The following XYLT1 variants were observed in gnomAD, a reference collection of about 807,000 sequenced individuals.
XYLT1 encodes xylosyltransferase 1, also known as beta-D-xylosyltransferase 1.
A neutral mutation model predicts 91.3 loss-of-function variants in XYLT1; 36 were observed. That is an observed-to-expected ratio of 0.39 (90% CI 0.30 to 0.52). The LOEUF (loss-of-function observed/expected upper bound fraction) is 0.52. Ranked by LOEUF, XYLT1 falls within the 20% of genes least tolerant of loss-of-function variation. The pLI is 0.68. For missense variants in XYLT1, 1,242 were observed against 1,284.5 expected (o/e 0.97, Z 0.51); for synonymous variants, 588 against 532.0 (o/e 1.11, Z -1.45).
At chr16:17,397,775 G>A (rs913151044) in intron 1 of XYLT1, among the ~76,000 whole-genome samples, 12 of 151,772 alleles carry the variant, frequency 7.9e-5, no homozygotes, top group African/African-American at 2.2e-4. Flanking sequence ...TACAAACAGC[G>A]GAATGAGTCA....
rs117013700 is a variant in XYLT1, at chr16:17,123,654, T to C, written c.2223+4012A>G. Among the ~76,000 whole-genome samples, 974 of 152,296 alleles carry C rather than the reference T, an allele frequency of 6.4e-3. 36 individuals are homozygous for C. In the East Asian group the frequency reaches 0.075, roughly 12 times the overall value. ...GAACAGCATGTATATTCTGCAGTCG[T>C]TGGGTAAAATGTTCTGTAAGTACCT... On this transcript the variant is annotated intron_variant, in intron 10 of 11. Coordinates refer to ENST00000261381, the MANE Select transcript of XYLT1 (RefSeq NM_022166.4).
At chr16:17,386,424 G>A (rs1194545110) in intron 1 of XYLT1, among the ~76,000 whole-genome samples, 1 of 152,144 alleles carries the variant, frequency 6.6e-6, no homozygotes, top group Non-Finnish European at 1.5e-5. Context: ...CTTTTACAAA[G>A]GGATTAACAG....
intron 6 of XYLT1, among the ~76,000 whole-genome samples, chr16:17,150,641 C>T (rs1039105929): frequency 1.4e-4 from 21 of 152,132 alleles, no homozygotes; most frequent in African/African-American, 5.1e-4. Flanking sequence ...AAGACCCACA[C>T]AGCTGGTGAG....
chr16:17,378,563 A>T (rs2035631770), intron 1 of XYLT1, among the ~76,000 whole-genome samples: 1 of 152,232 alleles, frequency 6.6e-6, no homozygotes, highest in South Asian at 2.1e-4. Context: ...ATTTCTAGGA[A>T]TATGTTGCTA....
intron 5 of XYLT1, 69 bp downstream of exon 5, chr16:17,198,143 A>C (rs2032466963): frequency 6.5e-7 from 1 of 1,547,834 alleles, no homozygotes; most frequent in Middle Eastern, 2.0e-4. Flanking sequence ...CTGCCTCGTG[A>C]GTTCCCAGCC....
At chr16:17,183,172 C>T (rs2032108388) in intron 5 of XYLT1, among the ~76,000 whole-genome samples, 1 of 152,180 alleles carries the variant, frequency 6.6e-6, no homozygotes, top group Admixed American at 6.5e-5. Flanking sequence ...CACTTGAACA[C>T]TCTGAGTCCT....
chr16:17,278,204 G>C (rs960154428), intron 2 of XYLT1, among the ~76,000 whole-genome samples: 2 of 152,104 alleles, frequency 1.3e-5, no homozygotes, highest in African/African-American at 2.4e-5. Flanking sequence ...TTCAGACACC[G>C]AACTCCCTTT....
intron 3 of XYLT1, among the ~76,000 whole-genome samples, chr16:17,241,122 G>A (rs2033338777): frequency 6.6e-6 from 1 of 152,226 alleles, no homozygotes; most frequent in Non-Finnish European, 1.5e-5. Flanking sequence ...CCGCTGATCT[G>A]CTGCAGTCTT....
At chr16:17,352,855 T>C (rs767562064) in intron 2 of XYLT1, among the ~76,000 whole-genome samples, 3 of 152,256 alleles carry the variant, frequency 2.0e-5, no homozygotes, top group Non-Finnish European at 4.4e-5. Flanking sequence ...CTTCTGTTTT[T>C]CTCTGCTGTA....
At chr16:17,215,056 T>A (rs1474288771) in intron 3 of XYLT1, among the ~76,000 whole-genome samples, 1 of 152,066 alleles carries the variant, frequency 6.6e-6, no homozygotes, top group Non-Finnish European at 1.5e-5. Context: ...AGGAGGTGAT[T>A]AAAGTTAAAT....
At chr16:17,214,955 C>T (rs1372985155) in intron 3 of XYLT1, among the ~76,000 whole-genome samples, 2 of 152,156 alleles carry the variant, frequency 1.3e-5, no homozygotes, top group African/African-American at 4.8e-5. Context: ...TTTCCAAAGA[C>T]AGGATTTGCT....
chr16:17,430,550 C>A (rs565829562), intron 1 of XYLT1, among the ~76,000 whole-genome samples: 1 of 152,180 alleles, frequency 6.6e-6, no homozygotes, highest in Non-Finnish European at 1.5e-5. Flanking sequence ...CAAGTGCAGG[C>A]CCATTCCTGG....
intron 1 of XYLT1, among the ~76,000 whole-genome samples, chr16:17,372,484 T>G (rs1279865561): frequency 6.6e-6 from 1 of 152,280 alleles, no homozygotes; most frequent in South Asian, 2.1e-4. Context: ...CAGAATACAT[T>G]AGATAGCTTC....
At chr16:17,114,069 A>G (rs141920642) in intron 11 of XYLT1, among the ~76,000 whole-genome samples, 1 of 151,478 alleles carries the variant, frequency 6.6e-6, no homozygotes, top group Non-Finnish European at 1.5e-5. Context: ...TGCCATGGGG[A>G]CAGATTCATC....
At chr16:17,438,856 A>G (rs552050259) in intron 1 of XYLT1, among the ~76,000 whole-genome samples, 5 of 152,246 alleles carry the variant, frequency 3.3e-5, no homozygotes, top group African/African-American at 1.2e-4. Flanking sequence ...ACCTCCCACC[A>G]GGCCCCTCCC....
At chr16:17,244,075 C>T (rs1443363003) in intron 3 of XYLT1, among the ~76,000 whole-genome samples, 2 of 152,148 alleles carry the variant, frequency 1.3e-5, no homozygotes, top group African/African-American at 2.4e-5. Flanking sequence ...TAGGCATGTC[C>T]AGACGTCCCG....
chr16:17,300,257 T>C (rs12149280), intron 2 of XYLT1, among the ~76,000 whole-genome samples: 20,073 of 152,208 alleles, frequency 0.13, 1,658 homozygotes, highest in Non-Finnish European at 0.19. Context: ...AGACTTCATT[T>C]CTAGGCATGT....
At chr16:17,169,204 T>C (rs1433356699) in intron 5 of XYLT1, among the ~76,000 whole-genome samples, 3 of 152,252 alleles carry the variant, frequency 2.0e-5, no homozygotes, top group Non-Finnish European at 2.9e-5. Context: ...AGCAGATGAA[T>C]TGAAGCACGA....
intron 5 of XYLT1, among the ~76,000 whole-genome samples, chr16:17,179,610 C>T (rs1200664444): frequency 6.6e-6 from 1 of 152,178 alleles, no homozygotes; most frequent in African/African-American, 2.4e-5. Flanking sequence ...CACAACAGTG[C>T]TTGCTTTCTT....
Sources: allele counts gnomAD v4.1 joint callset (sites outside exome capture counted in the v4.1 genomes callset), GRCh38; gene constraint gnomAD v4.1.1; transcripts MANE v1.5; gene names NCBI Gene and HGNC (gene_info 2026-07-23, HGNC 2026-07-21).